The following ZNF106 variants were observed in gnomAD, a reference collection of about 807,000 sequenced individuals.
ZNF106 encodes the protein zinc finger protein 106, also known as SH3-domain binding protein 3.
Under a neutral mutation model 195.1 loss-of-function variants are expected in ZNF106, and 67 were observed. The observed-to-expected ratio is 0.34, with a 90% CI of 0.28 to 0.42. The LOEUF (loss-of-function observed/expected upper bound fraction) is 0.42, where lower values mean the gene tolerates loss of function less well. Among genes scored for constraint, ZNF106 ranks in the 10% least tolerant of loss-of-function variants. ZNF106 has a pLI of 1.00. For missense variants in ZNF106, 2,118 were observed against 2,304.5 expected, an observed-to-expected ratio of 0.92 and a Z score of 1.66; for synonymous variants, 784 against 818.6, an observed-to-expected ratio of 0.96 and a Z score of 0.72.
At position 42,448,332 on chromosome 15, in the gene ZNF106, G is replaced by T. The variant is rs766959940; in HGVS notation, c.2875C>A (p.His959Asn). Residue 959 changes from histidine (H) to asparagine (N), a missense_variant, in exon 6 of 22, where the codon CAT becomes AAT. Transcript: ENST00000564754. ...RAENVATQRR[H>N]SAQLSSDHII... ...TGGTCAGAGGATAATTGTGCACTAT[G>T]TCGCCTTTGGGTAGCAACATTTTCA... 2 of 1,614,080 alleles carry T rather than the reference G, an allele frequency of 1.2e-6. No individual in the cohort carries two copies. Among genetic ancestry groups the T allele is most frequent in the African/African-American group, 2.7e-5 (2 of 74,926 alleles).
rs143970729 is a variant in ZNF106, at chr15:42,439,095, C to T, written c.4482G>A (p.Gly1494=). 7 of 1,614,072 alleles carry T rather than the reference C, an allele frequency of 4.3e-6. No individual in the cohort carries two copies. The highest frequency in any genetic ancestry group is 5.9e-6 in the Non-Finnish European group (7 of 1,180,042). The change falls in exon 11 of 22, where the codon GGG becomes GGA. Residue 1494 remains glycine, a synonymous_variant. Transcript: ENST00000564754. ...EQNPLETSRS[G]CDEVSSTSEI... ...CACTGGTAGAGCTAACTTCATCACA[C>T]CCAGAACGAGACGTTTCTAGTGGGT...
chr15:42,480,414 G>A (rs981615965), intron 1 of ZNF106, among the ~76,000 whole-genome samples: 3 of 152,022 alleles, frequency 2.0e-5, no homozygotes, highest in Non-Finnish European at 4.4e-5. Flanking sequence ...CCATGCATTT[G>A]CTTTTAGCCA....
In ZNF106 at chr15:42,413,464, A is replaced by G. The variant is rs558031177; in HGVS notation, c.*3840T>C. 1 of 152,718 alleles carries G rather than the reference A, an allele frequency of 6.5e-6. No homozygotes were observed. Among genetic ancestry groups the G allele is most frequent in the African/African-American group, 2.4e-5 (1 of 41,570 alleles). 9.5% of individuals were successfully genotyped at this position (152,718 alleles called of 1,614,324 possible). A position where few individuals can be genotyped will look rare whatever the true frequency, so the allele number is the denominator to read the frequency against. On this transcript the variant is annotated 3_prime_UTR_variant, in exon 22 of 22. Coordinates refer to ENST00000564754, the MANE Select transcript of ZNF106 (RefSeq NM_001366845.3). The stretch of plus-strand genomic sequence containing the variant: ...TTAGATGTAAGCATAAACTGCAGTT[A>G]TTTGAGCAAACCAGAGCATATGTGC...
At position 42,438,262 on chromosome 15, in the gene ZNF106, G is replaced by A. The variant is rs185966514; in HGVS notation, c.4600+350C>T. On this transcript the variant is annotated intron_variant, in intron 12 of 21. Coordinates refer to ENST00000564754, the MANE Select transcript of ZNF106 (RefSeq NM_001366845.3). The stretch of plus-strand genomic sequence containing the variant: ...AAAAATTTGCCAGGCGTGATGGCGC[G>A]CACCTGTGGTCCCAGCTATTTGGGA... Among the ~76,000 whole-genome samples, 9 of 152,194 alleles carry A rather than the reference G, an allele frequency of 5.9e-5. No individual in the cohort carries two copies. The South Asian group carries it at 6.2e-4, about 11-fold the overall frequency.
intron 1 of ZNF106, among the ~76,000 whole-genome samples, chr15:42,477,057 T>C (rs551571158): frequency 3.5e-4 from 53 of 152,296 alleles, no homozygotes; most frequent in African/African-American, 1.3e-3. Flanking sequence ...CCCCAACCCT[T>C]GAGCTGTTCA....
At chr15:42,471,861 GC>G (rs1353276921) in intron 2 of ZNF106, among the ~76,000 whole-genome samples, 9 of 152,214 alleles carry the variant, frequency 5.9e-5, no homozygotes, top group African/African-American at 2.2e-4. Context: ...TATAATAGAT[GC>G]TATATCCTTA....
chr15:42,421,831 G>C, intron 19 of ZNF106, 86 bp downstream of exon 19: 1 of 1,099,742 alleles, frequency 9.1e-7, no homozygotes, highest in Non-Finnish European at 1.3e-6. Flanking sequence ...AGGCATATCA[G>C]AAGCAGATGT....
intron 3 of ZNF106, among the ~76,000 whole-genome samples, chr15:42,458,254 CAT>C (rs1485045213): frequency 1.3e-5 from 2 of 151,920 alleles, no homozygotes; most frequent in African/African-American, 4.8e-5. Context: ...AGACAGAACA[CAT>C]ACACACACGT....
intron 4 of ZNF106, among the ~76,000 whole-genome samples, chr15:42,455,724 T>C (rs543618908): frequency 7.9e-5 from 12 of 152,310 alleles, no homozygotes; most frequent in African/African-American, 2.6e-4. Context: ...ACTTCCTTTT[T>C]ATAGTTAAGC....
At chr15:42,490,720 T>C (rs962592330) in intron 1 of ZNF106, among the ~76,000 whole-genome samples, 4 of 152,148 alleles carry the variant, frequency 2.6e-5, no homozygotes, top group African/African-American at 9.7e-5. Flanking sequence ...GGTCAAGGCT[T>C]TGGAGCCACG....
At chr15:42,419,519 GAGTAACATAACA>G (rs2054579618) in intron 20 of ZNF106, among the ~76,000 whole-genome samples, 1 of 151,474 alleles carries the variant, frequency 6.6e-6, no homozygotes, top group African/African-American at 2.4e-5. Context: ...ACTCCCGCCT[GAGTAACATAACA>G]AGACCCTGTC....
intron 4 of ZNF106, among the ~76,000 whole-genome samples, chr15:42,452,228 A>C (rs2056057725): frequency 6.6e-6 from 1 of 152,170 alleles, no homozygotes; most frequent in Non-Finnish European, 1.5e-5. Flanking sequence ...AATATTAAAA[A>C]TTTGGCACAT....
At chr15:42,446,913 G>A (rs1331808959) in intron 6 of ZNF106, among the ~76,000 whole-genome samples, 1 of 152,110 alleles carries the variant, frequency 6.6e-6, no homozygotes, top group African/African-American at 2.4e-5. Context: ...TGGAGGTCAG[G>A]GAAAGCATTT....
intron 15 of ZNF106, among the ~76,000 whole-genome samples, chr15:42,426,905 C>G (rs1030916404): frequency 6.6e-6 from 1 of 152,164 alleles, no homozygotes; most frequent in African/African-American, 2.4e-5. Context: ...ATCGAACAGA[C>G]CAAATCACTT....
At chr15:42,481,156 G>T (rs562936921) in intron 1 of ZNF106, among the ~76,000 whole-genome samples, 43 of 151,748 alleles carry the variant, frequency 2.8e-4, no homozygotes, top group Non-Finnish European at 5.7e-4. Flanking sequence ...TTTAAGAAAT[G>T]AAAAAGAAAG....
At chr15:42,464,269 G>A (rs1224666671) in intron 3 of ZNF106, among the ~76,000 whole-genome samples, 2 of 148,668 alleles carry the variant, frequency 1.3e-5, no homozygotes, top group Admixed American at 6.6e-5. Flanking sequence ...GAACCCGGGA[G>A]GCGGAGGTTG....
chr15:42,450,585 CTTTGGCCTTTCGTAAAGTATCATTTAAA>C lies in ZNF106; in HGVS notation c.1659_1686del (p.Asn553LysfsTer31). On this transcript the variant is annotated frameshift_variant, in exon 5 of 22. Coordinates refer to ENST00000564754, the MANE Select transcript of ZNF106 (RefSeq NM_001366845.3). LOFTEE classifies it high-confidence loss of function. Reference sequence around the variant, plus strand: ...AATGACTCATGACACTGTAGCACCTCTTTGGCCTTTCGTAAAGTATCATTTAAATTATCACCAGATTGCTTTTGAGAGC... The same window carrying C: ...AATGACTCATGACACTGTAGCACCTCTTATCACCAGATTGCTTTTGAGAGC... 6.2e-7 allele frequency: 1 copy of C among 1,614,168 alleles called. No homozygotes were observed. The highest frequency in any genetic ancestry group is 1.7e-5 in the Admixed American group (1 of 60,018).
intron 14 of ZNF106, among the ~76,000 whole-genome samples, chr15:42,433,826 A>G (rs958184015): frequency 4.6e-5 from 7 of 152,016 alleles, no homozygotes; most frequent in African/African-American, 1.7e-4. Context: ...TTAGAAATGT[A>G]AATTCTTTTT....
Position 42,446,527 on chromosome 15 carries a change from G to A in ZNF106, c.3205+62C>T, listed in dbSNP as rs368776691. The A allele has an allele frequency of 1.6e-4, 221 of 1,363,144 alleles. 1 individual carries two copies. Among genetic ancestry groups the A allele is most frequent in the East Asian group, 5.0e-5 (2 of 39,978 alleles). 84.4% of individuals were successfully genotyped at this position (1,363,144 alleles called of 1,614,324 possible). On this transcript the variant is annotated intron_variant, in intron 7 of 21. Transcript: ENST00000564754. ...AAGAGTTGGAGGTTACCAAAAACCC[G>A]CACCCCCCAAAAAAAACCAAAAAAC...
Sources: allele counts gnomAD v4.1 joint callset (sites outside exome capture counted in the v4.1 genomes callset), GRCh38; gene constraint gnomAD v4.1.1; transcripts MANE v1.5; gene names NCBI Gene and HGNC (gene_info 2026-07-23, HGNC 2026-07-21).